Variants in SNTG1 observed in about 807,000 individuals in gnomAD.
SNTG1 encodes the protein gamma-1-syntrophin.
Under a neutral mutation model 74.7 loss-of-function variants are expected in SNTG1, and 39 were observed. That is an observed-to-expected ratio of 0.52 (90% confidence interval 0.40 to 0.68). The LOEUF is 0.68. SNTG1 is among the 30% of genes least tolerant of loss of function. The probability of loss-of-function intolerance (pLI) is 0.00; values close to 1 mark genes in which losing one functional copy is unlikely to be tolerated. For synonymous variants in SNTG1, 254 were observed against 217.1 expected, an observed-to-expected ratio of 1.17 and a Z score of -1.49; for missense variants, 685 against 609.5, an observed-to-expected ratio of 1.12 and a Z score of -1.30.
At chr8:49,953,462 T>A (rs1488776537) in intron 1 of SNTG1, among the ~76,000 whole-genome samples, 3 of 152,150 alleles carry the variant, frequency 2.0e-5, no homozygotes, top group Admixed American at 2.0e-4. Flanking sequence ...GCCCTTACCA[T>A]ACAGGTCAGG....
intron 13 of SNTG1, among the ~76,000 whole-genome samples, chr8:50,597,728 T>G (rs986171229): frequency 1.7e-4 from 26 of 152,008 alleles, no homozygotes; most frequent in Admixed American, 1.7e-3. Context: ...TTATTTTTTT[T>G]GTCTTGTTTT....
intron 13 of SNTG1, among the ~76,000 whole-genome samples, chr8:50,654,066 T>C (rs1563698843): frequency 6.6e-6 from 1 of 152,200 alleles, no homozygotes; most frequent in Non-Finnish European, 1.5e-5. Context: ...GGTGTGCTTA[T>C]ATTTATCTAG....
chr8:50,774,797 CAAT>C (rs1404989506), intron 18 of SNTG1, among the ~76,000 whole-genome samples: 1 of 151,280 alleles, frequency 6.6e-6, no homozygotes, highest in Admixed American at 6.6e-5. Context: ...AAGTGTATGA[CAAT>C]AATAACCCAA....
At chr8:50,623,741 A>G (rs1419660263) in intron 13 of SNTG1, among the ~76,000 whole-genome samples, 1 of 152,064 alleles carries the variant, frequency 6.6e-6, no homozygotes, top group East Asian at 1.9e-4. Flanking sequence ...TGAAAAGTTG[A>G]AAAATACATA....
chr8:50,518,672 A>C (rs553699430), intron 9 of SNTG1, among the ~76,000 whole-genome samples: 1 of 152,350 alleles, frequency 6.6e-6, no homozygotes, highest in African/African-American at 2.4e-5. Context: ...GAATACTATA[A>C]ACACCTCTAT....
intron 2 of SNTG1, among the ~76,000 whole-genome samples, chr8:50,210,033 A>G (rs1255012241): frequency 1.3e-5 from 2 of 152,202 alleles, no homozygotes; most frequent in African/African-American, 2.4e-5. Context: ...AAGACCTTAA[A>G]TGAACTCATG....
At chr8:50,052,629 T>G (rs544604605) in intron 1 of SNTG1, among the ~76,000 whole-genome samples, 8 of 152,236 alleles carry the variant, frequency 5.3e-5, no homozygotes, top group African/African-American at 1.9e-4. Flanking sequence ...TATTAATAGA[T>G]CAATTTACAA....
chr8:50,010,727 T>A (rs1428686168), intron 1 of SNTG1, among the ~76,000 whole-genome samples: 1 of 151,590 alleles, frequency 6.6e-6, no homozygotes, highest in Non-Finnish European at 1.5e-5. Flanking sequence ...TAAGAGGAAT[T>A]CTGATGTTTC....
intron 13 of SNTG1, among the ~76,000 whole-genome samples, chr8:50,640,873 C>T (rs1347975051): frequency 4.6e-5 from 7 of 152,094 alleles, no homozygotes; most frequent in Admixed American, 6.6e-5. Flanking sequence ...TCCACTGTAG[C>T]CCCTCTTGTG....
intron 17 of SNTG1, among the ~76,000 whole-genome samples, chr8:50,721,730 G>A (rs2095488093): frequency 6.6e-6 from 1 of 152,186 alleles, no homozygotes; most frequent in Non-Finnish European, 1.5e-5. Context: ...GCTATGAAAT[G>A]TGGTGAACGT....
intron 2 of SNTG1, among the ~76,000 whole-genome samples, chr8:50,263,218 G>T (rs1037288235): frequency 2.6e-5 from 4 of 152,080 alleles, no homozygotes; most frequent in Non-Finnish European, 1.5e-5. Context: ...GTACATTTCT[G>T]TAACTTCTTT....
intron 11 of SNTG1, among the ~76,000 whole-genome samples, chr8:50,538,989 C>T (rs60604540): frequency 0.049 from 7,376 of 151,856 alleles, 313 homozygotes; most frequent in African/African-American, 0.11. Flanking sequence ...TATTTTTTGT[C>T]GATTTATTTT....
intron 1 of SNTG1, among the ~76,000 whole-genome samples, chr8:50,069,511 A>G (rs903042868): frequency 4.0e-5 from 6 of 150,858 alleles, no homozygotes; most frequent in Admixed American, 4.0e-4. Context: ...AAATTGTGTA[A>G]TGAAATCATC....
At chr8:50,112,363 T>G (rs960755646) in intron 1 of SNTG1, among the ~76,000 whole-genome samples, 2 of 152,072 alleles carry the variant, frequency 1.3e-5, no homozygotes, top group African/African-American at 4.8e-5. Context: ...GATAACCTTC[T>G]GATTTGAAGG....
chr8:50,002,790 C>T (rs930772535), intron 1 of SNTG1, among the ~76,000 whole-genome samples: 5 of 151,864 alleles, frequency 3.3e-5, no homozygotes, highest in Admixed American at 6.6e-5. Flanking sequence ...CATACAAAAA[C>T]GTGGAAAAAT....
At chr8:50,024,534 T>C (rs1042104568) in intron 1 of SNTG1, among the ~76,000 whole-genome samples, 1 of 152,116 alleles carries the variant, frequency 6.6e-6, no homozygotes, top group Admixed American at 6.6e-5. Context: ...GTTCCCTTTA[T>C]CAAAGGGAAA....
intron 2 of SNTG1, among the ~76,000 whole-genome samples, chr8:50,298,034 A>T (rs145339791): frequency 3.1e-4 from 1 of 3,276 alleles, no homozygotes; most frequent in African/African-American, 3.2e-3. Flanking sequence ...TTGAAAAGCT[A>T]AAAAAAAAAA....
chr8:50,096,414 A>G (rs775126758), intron 1 of SNTG1, among the ~76,000 whole-genome samples: 6 of 152,232 alleles, frequency 3.9e-5, no homozygotes, highest in African/African-American at 7.2e-5. Context: ...AGTGGCGAGT[A>G]TAATTGTGAA....
rs1043089039 is a variant in SNTG1, at chr8:50,438,709, C to T, written c.219+110C>T. ...ATTAGACAAGGATGGCTATAGCAAA[C>T]TCCTTAATATTTGGACGGGGATGTA... On this transcript the variant is annotated intron_variant, in intron 5 of 18. Transcript: ENST00000642720. 7 of 837,882 alleles carry T rather than the reference C, an allele frequency of 8.4e-6. No individual in the cohort carries two copies. In the African/African-American group the frequency reaches 1.0e-4, roughly 12 times the overall value. The allele number at this position is 837,882 out of a possible 1,614,324, so 51.9% of individuals were successfully genotyped here.
Sources: gnomAD v4.1 joint callset for allele counts (sites outside exome capture counted in the v4.1 genomes callset) on GRCh38, gnomAD v4.1.1 for gene constraint, MANE v1.5 for transcripts, NCBI Gene and HGNC (gene_info 2026-07-23, HGNC 2026-07-21) for gene names.